Variants in PCDH15 observed in about 807,000 individuals in gnomAD.
PCDH15 encodes the protein protocadherin related 15.
A neutral mutation model predicts 178.5 loss-of-function variants in PCDH15; 129 were observed. The observed-to-expected ratio is 0.72, with a 90% CI of 0.63 to 0.84. The LOEUF is 0.84. Ranked by LOEUF, PCDH15 falls within the 40% of genes least tolerant of loss-of-function variation. The probability of loss-of-function intolerance (pLI) is 0.00; values close to 1 mark genes in which losing one functional copy is unlikely to be tolerated. For synonymous variants in PCDH15, 800 were observed against 732.0 expected (o/e 1.09, Z -1.50); for missense variants, 2,230 against 2,099.9 (o/e 1.06, Z -1.21).
chr10:55,046,696 T>C (rs1410280333), intron 2 of PCDH15, among the ~76,000 whole-genome samples: 1 of 152,044 alleles, frequency 6.6e-6, no homozygotes, highest in African/African-American at 2.4e-5. Context: ...ATGAGGAATT[T>C]GAAACCACTT....
At chr10:54,300,078 CAG>C (rs2060056023) in intron 8 of PCDH15, among the ~76,000 whole-genome samples, 1 of 152,158 alleles carries the variant, frequency 6.6e-6, no homozygotes, top group South Asian at 2.1e-4. Context: ...TCTTTGGCAG[CAG>C]AGACTCTCCT....
At chr10:54,817,519 C>T (rs577083856) in intron 3 of PCDH15, among the ~76,000 whole-genome samples, 1 of 151,928 alleles carries the variant, frequency 6.6e-6, no homozygotes, top group Non-Finnish European at 1.5e-5. Flanking sequence ...AAAGAGAATT[C>T]CTGTGACCTC....
intron 18 of PCDH15, among the ~76,000 whole-genome samples, chr10:54,023,549 G>T (rs1247319627): frequency 6.8e-6 from 1 of 147,848 alleles, no homozygotes; most frequent in Non-Finnish European, 1.5e-5. Context: ...AACATAATCT[G>T]CCGAGTGACA....
At chr10:55,359,213 T>C (rs1345931326) in intron 2 of PCDH15, among the ~76,000 whole-genome samples, 1 of 151,294 alleles carries the variant, frequency 6.6e-6, no homozygotes, top group African/African-American at 2.4e-5. Context: ...AAAAGTAAAA[T>C]AAATTAGTTT....
At chr10:54,924,785 TG>T (rs1208870944) in intron 2 of PCDH15, among the ~76,000 whole-genome samples, 3 of 152,172 alleles carry the variant, frequency 2.0e-5, no homozygotes, top group African/African-American at 7.2e-5. Flanking sequence ...TCAAGTTTTA[TG>T]GTGTTGTTTA....
At chr10:54,558,065 T>C (rs918135012) in intron 2 of PCDH15, among the ~76,000 whole-genome samples, 1 of 152,076 alleles carries the variant, frequency 6.6e-6, no homozygotes, top group Non-Finnish European at 1.5e-5. Context: ...ACCTAATGTA[T>C]ATGATAGTTG....
At chr10:54,478,078 C>T (rs924718669) in intron 3 of PCDH15, among the ~76,000 whole-genome samples, 21 of 151,898 alleles carry the variant, frequency 1.4e-4, no homozygotes, top group African/African-American at 4.4e-4. Flanking sequence ...AATATCTAGT[C>T]GCCCTAATAA....
intron 2 of PCDH15, among the ~76,000 whole-genome samples, chr10:55,464,075 G>GAAAGAAAA (rs1565166266): frequency 8.9e-6 from 1 of 111,924 alleles, no homozygotes; most frequent in Admixed American, 9.5e-5. Context: ...AGGAAAGAAA[G>GAAAGAAAA]GGAAAGAAGA....
chr10:54,124,872 A>G (rs980459665), intron 15 of PCDH15, among the ~76,000 whole-genome samples: 11 of 152,220 alleles, frequency 7.2e-5, no homozygotes, highest in African/African-American at 2.4e-4. Context: ...TACCTCTGAC[A>G]GGACCTGTTA....
chr10:54,103,849 T>A (rs1185082659), intron 15 of PCDH15, among the ~76,000 whole-genome samples: 1 of 152,208 alleles, frequency 6.6e-6, no homozygotes, highest in Admixed American at 6.5e-5. Context: ...TCTATGTTTC[T>A]TCCACCATTA....
intron 1 of PCDH15, among the ~76,000 whole-genome samples, chr10:55,210,567 A>G (rs535275596): frequency 4.6e-5 from 7 of 151,180 alleles, no homozygotes; most frequent in Admixed American, 2.6e-4. Context: ...GCGGGGGGAA[A>G]AAAAAGCTAA....
At chr10:55,071,390 G>T (rs1244843474) in intron 2 of PCDH15, among the ~76,000 whole-genome samples, 1 of 152,096 alleles carries the variant, frequency 6.6e-6, no homozygotes, top group South Asian at 2.1e-4. Context: ...CAAAGTAAAA[G>T]GATGGAGGAA....
chr10:54,827,078 G>A (rs1489419411), intron 3 of PCDH15, among the ~76,000 whole-genome samples: 1 of 152,090 alleles, frequency 6.6e-6, no homozygotes, highest in East Asian at 1.9e-4. Context: ...GGGAATACAT[G>A]TGTTGTAGGG....
chr10:55,417,467 C>T (rs11599841), intron 2 of PCDH15, among the ~76,000 whole-genome samples: 30,151 of 151,384 alleles, frequency 0.2, 3,955 homozygotes, highest in Non-Finnish European at 0.29. Flanking sequence ...GCTATCTCCC[C>T]TTTTACAGAG....
intron 2 of PCDH15, among the ~76,000 whole-genome samples, chr10:55,402,057 G>T (rs1838084034): frequency 6.6e-6 from 1 of 151,198 alleles, no homozygotes; most frequent in South Asian, 2.1e-4. Flanking sequence ...TCCCCAGCTG[G>T]GTACATATTT....
chr10:54,779,581 T>C (rs11004572), intron 1 of PCDH15, among the ~76,000 whole-genome samples: 73,057 of 143,578 alleles, frequency 0.51, 19,199 homozygotes, highest in Non-Finnish European at 0.59. Flanking sequence ...GCACACTGAT[T>C]CTTTCCTACT....
At position 54,079,390 on chromosome 10, in the gene PCDH15, T is replaced by G. The variant is rs962705628; in HGVS notation, c.2032A>C (p.Arg678=). 1 of 1,614,102 alleles carries G rather than the reference T, an allele frequency of 6.2e-7. No individual in the cohort carries two copies. The highest frequency in any genetic ancestry group is 1.7e-5 in the Admixed American group (1 of 60,016). Residue 678 remains arginine, a synonymous_variant, in exon 17 of 38, where the codon AGG becomes CGG. Transcript: ENST00000644397. ...GILTLGKALD[R]ESTDRYILII... ...AGAATGTAGCGATCAGTGCTTTCCC[T>G]GTCCAGTGCTTTCCCTAAGGTTAGA...
chr10:54,401,334 G>A (rs1019720633), intron 3 of PCDH15, among the ~76,000 whole-genome samples: 29 of 151,698 alleles, frequency 1.9e-4, no homozygotes, highest in African/African-American at 7.0e-4. Flanking sequence ...GAGATTTAGG[G>A]CAAGCAAAGT....
intron 3 of PCDH15, among the ~76,000 whole-genome samples, chr10:54,470,911 G>A (rs529501163): frequency 2.0e-5 from 3 of 152,098 alleles, no homozygotes; most frequent in South Asian, 4.2e-4. Context: ...TTTTGAAGGC[G>A]CCCCTTCATC....
Sources: allele counts gnomAD v4.1 joint callset (sites outside exome capture counted in the v4.1 genomes callset), GRCh38; gene constraint gnomAD v4.1.1; transcripts MANE v1.5; gene names NCBI Gene and HGNC (gene_info 2026-07-23, HGNC 2026-07-21).